Variants in DLGAP2 observed in about 807,000 individuals in gnomAD.
DLGAP2 encodes DLG associated protein 2.
In DLGAP2, 26 loss-of-function variants were observed where a neutral mutation model predicts 100.3. The observed-to-expected ratio is 0.26, with a 90% CI of 0.19 to 0.36. DLGAP2 has a LOEUF of 0.36. Among genes scored for constraint, DLGAP2 ranks in the 10% least tolerant of loss-of-function variants. DLGAP2 has a pLI of 1.00. For synonymous variants in DLGAP2, 886 were observed against 630.1 expected, an observed-to-expected ratio of 1.41 and a Z score of -6.08; for missense variants, 1,858 against 1,453.2, an observed-to-expected ratio of 1.28 and a Z score of -4.53.
At chr8:1,487,620 C>T (rs1048432836) in intron 3 of DLGAP2, among the ~76,000 whole-genome samples, 1 of 152,186 alleles carries the variant, frequency 6.6e-6, no homozygotes, top group South Asian at 2.1e-4. Flanking sequence ...ACGAGTCACT[C>T]TCCCTGTACA....
intron 3 of DLGAP2, among the ~76,000 whole-genome samples, chr8:1,418,584 C>T (rs1456987200): frequency 2.0e-5 from 3 of 152,180 alleles, no homozygotes; most frequent in Non-Finnish European, 2.9e-5. Flanking sequence ...CGACACTCCA[C>T]TCCGACGCCA....
intron 2 of DLGAP2, among the ~76,000 whole-genome samples, chr8:1,241,999 A>G (rs1003762450): frequency 6.6e-6 from 1 of 152,120 alleles, no homozygotes; most frequent in African/African-American, 2.4e-5. Context: ...CTCTGAGGGA[A>G]CTCCAGGGAA....
chr8:1,234,009 C>T (rs764301727), intron 2 of DLGAP2, among the ~76,000 whole-genome samples: 38 of 152,196 alleles, frequency 2.5e-4, no homozygotes, highest in Non-Finnish European at 1.2e-4. Context: ...GGTGACTGAT[C>T]TGTTGGTGAC....
chr8:1,441,551 G>A (rs1027503159), intron 3 of DLGAP2, among the ~76,000 whole-genome samples: 4 of 151,946 alleles, frequency 2.6e-5, no homozygotes, highest in African/African-American at 4.8e-5. Flanking sequence ...AGCCAGGCGT[G>A]TTGGTGGGCA....
intron 1 of DLGAP2, among the ~76,000 whole-genome samples, chr8:843,012 C>G (rs938282627): frequency 2.6e-5 from 4 of 152,182 alleles, no homozygotes; most frequent in Non-Finnish European, 5.9e-5. Flanking sequence ...GGCTTTCGCT[C>G]ACTTTATGGA....
chr8:966,829 C>G (rs1004112405), intron 2 of DLGAP2, among the ~76,000 whole-genome samples: 2 of 152,190 alleles, frequency 1.3e-5, no homozygotes, highest in Non-Finnish European at 2.9e-5. Flanking sequence ...AGCTTTATTT[C>G]CACGCCTGTA....
At chr8:1,682,214 G>A (rs1410474570) in intron 12 of DLGAP2, among the ~76,000 whole-genome samples, 1 of 152,170 alleles carries the variant, frequency 6.6e-6, no homozygotes, top group Non-Finnish European at 1.5e-5. Flanking sequence ...CGAAGACAGA[G>A]GCCAAGGTTC....
intron 2 of DLGAP2, among the ~76,000 whole-genome samples, chr8:1,231,484 A>C (rs867405901): frequency 2.0e-5 from 3 of 152,204 alleles, no homozygotes; most frequent in African/African-American, 7.2e-5. Context: ...ATTACTGGCT[A>C]TGTATCCAAA....
chr8:1,499,888 G>A (rs1799657778), intron 3 of DLGAP2, among the ~76,000 whole-genome samples: 1 of 149,882 alleles, frequency 6.7e-6, no homozygotes, highest in Non-Finnish European at 1.5e-5. Flanking sequence ...TGTTGAATCA[G>A]AGATGGTGAT....
chr8:1,047,715 C>CT (rs888076885), intron 2 of DLGAP2, among the ~76,000 whole-genome samples: 15 of 150,562 alleles, frequency 1.0e-4, no homozygotes, highest in African/African-American at 2.4e-4. Context: ...TCTCTGTGGC[C>CT]TTTTTTTTTA....
At chr8:1,491,050 TA>T (rs34935570) in intron 3 of DLGAP2, among the ~76,000 whole-genome samples, 48,123 of 79,244 alleles carry the variant, frequency 0.61, 12,647 homozygotes, top group Middle Eastern at 0.69. Context: ...AAAAATAAAA[TA>T]AAATAAATAA....
At chr8:768,055 C>A (rs1156386347) in intron 1 of DLGAP2, among the ~76,000 whole-genome samples, 1 of 152,182 alleles carries the variant, frequency 6.6e-6, no homozygotes, top group Non-Finnish European at 1.5e-5. Flanking sequence ...TCTCTTTCAG[C>A]TCTCTAGTGT....
At chr8:1,327,544 A>G (rs1289397986) in intron 3 of DLGAP2, among the ~76,000 whole-genome samples, 1 of 152,170 alleles carries the variant, frequency 6.6e-6, no homozygotes, top group Non-Finnish European at 1.5e-5. Flanking sequence ...ATCTCTTGCA[A>G]GTGTAAAGAA....
intron 2 of DLGAP2, among the ~76,000 whole-genome samples, chr8:1,168,275 C>T (rs1440020623): frequency 6.6e-6 from 1 of 151,928 alleles, no homozygotes. Context: ...TTAATCCAGT[C>T]TATCATTGTT....
intron 3 of DLGAP2, among the ~76,000 whole-genome samples, chr8:1,283,740 C>G (rs1454908541): frequency 2.0e-5 from 3 of 152,136 alleles, no homozygotes; most frequent in East Asian, 1.9e-4. Flanking sequence ...GGGATACAAT[C>G]CATAAAAATA....
chr8:846,502 T>C (rs1313999139), intron 1 of DLGAP2, among the ~76,000 whole-genome samples: 1 of 152,224 alleles, frequency 6.6e-6, no homozygotes, highest in Non-Finnish European at 1.5e-5. Flanking sequence ...CCACTGTCTA[T>C]AAGTACAATA....
intron 8 of DLGAP2, among the ~76,000 whole-genome samples, chr8:1,641,000 G>A (rs1316523224): frequency 6.6e-6 from 1 of 152,162 alleles, no homozygotes; most frequent in African/African-American, 2.4e-5. Flanking sequence ...CAGTCTCTGC[G>A]GAGAGGAGGG....
At chr8:937,790 G>C (rs901614722) in intron 2 of DLGAP2, among the ~76,000 whole-genome samples, 1 of 152,148 alleles carries the variant, frequency 6.6e-6, no homozygotes, top group East Asian at 1.9e-4. Context: ...TATGTTCCCT[G>C]TCTAGGCCTC....
At chr8:993,692 CGTGCCT>C (rs1800696171) in intron 2 of DLGAP2, among the ~76,000 whole-genome samples, 2 of 151,366 alleles carry the variant, frequency 1.3e-5, no homozygotes, top group African/African-American at 4.9e-5. Flanking sequence ...TCAGTACACT[CGTGCCT>C]CTCAGGGATA....
Sources: gnomAD v4.1 joint callset for allele counts (sites outside exome capture counted in the v4.1 genomes callset) on GRCh38, gnomAD v4.1.1 for gene constraint, MANE v1.5 for transcripts, NCBI Gene and HGNC (gene_info 2026-07-23, HGNC 2026-07-21) for gene names.